Variants in XPO5 observed in about 807,000 individuals in gnomAD.
The protein encoded by XPO5 is exportin 5.
Under a neutral mutation model 160.6 loss-of-function variants are expected in XPO5, and 46 were observed. That is an observed-to-expected ratio of 0.29 (90% CI 0.23 to 0.37). The LOEUF is 0.37. Ranked by LOEUF, XPO5 falls within the 10% of genes least tolerant of loss-of-function variation. The pLI is 1.00. For synonymous variants in XPO5, 537 were observed against 519.3 expected (o/e 1.03, Z -0.46); for missense variants, 1,090 against 1,463.9 (o/e 0.74, Z 4.17).
intron 18 of XPO5, 36 bp from the exon 19 acceptor site, chr6:43,547,743 G>A: frequency 6.3e-7 from 1 of 1,586,254 alleles, no homozygotes; most frequent in South Asian, 1.1e-5. Context: ...GTTACATCAT[G>A]ACTTTAAACA....
At position 43,540,474 on chromosome 6, in the gene XPO5, G is replaced by A. The variant is rs573922585; in HGVS notation, c.2342+6097C>T. 3.4e-4 allele frequency among the ~76,000 whole-genome samples: 52 copies of A among 151,486 alleles called. No homozygotes were observed. The South Asian group carries it at 8.8e-3, about 26-fold the overall frequency. On this transcript the variant is annotated intron_variant, in intron 20 of 31. Transcript: ENST00000265351. ...AGCCTGGACGACAGAGCAAGACTCC[G>A]TCTCAAAATAAATAAATAAATAAAC...
intron 11 of XPO5, chr6:43,558,933 C>T (rs143266889): frequency 5.0e-6 from 1 of 198,178 alleles, no homozygotes; most frequent in East Asian, 1.3e-4. Flanking sequence ...AAATACTGAA[C>T]ACTGAGAATA....
At chr6:43,551,259 A>G in intron 15 of XPO5, 39 bp downstream of exon 15, 1 of 1,526,496 alleles carries the variant, frequency 6.6e-7, no homozygotes, top group Non-Finnish European at 8.8e-7. Context: ...TAACTTAGAA[A>G]TGTCAAAATA....
chr6:43,553,621 T>C (rs1582229007), intron 13 of XPO5, 118 bp from the exon 14 acceptor site: 1 of 1,442,328 alleles, frequency 6.9e-7, no homozygotes, highest in Admixed American at 2.6e-5. Flanking sequence ...GAGAATTTCA[T>C]GATTGAAGGA....
rs73426797 is a variant in XPO5 at position 43,575,564 on chromosome 6, G to C, written c.105+196C>G. Among the ~76,000 whole-genome samples the C allele has an allele frequency of 1.3e-3, 200 of 152,374 alleles. 1 individual carries two copies. Among genetic ancestry groups the C allele is most frequent in the African/African-American group, 4.6e-3 (192 of 41,592 alleles). On this transcript the variant is annotated intron_variant, in intron 1 of 31. Coordinates refer to ENST00000265351, the MANE Select transcript of XPO5 (RefSeq NM_020750.3). ...TAGGGACCGGAGTGTCCCAGGCAAA[G>C]GACAGGAGCGGCGAGTAGAGAAGGC... is the stretch of plus-strand genomic sequence containing the variant.
Position 43,553,405 on chromosome 6 carries a change from T to C in XPO5, c.1540A>G (p.Ile514Val), listed in dbSNP as rs745345150. The change falls in exon 14 of 32, where the codon ATC becomes GTC. Residue 514 changes from isoleucine to valine, a missense_variant. Ile to Val is a conservative substitution (Grantham distance 29). This residue lies in a region of XPO5 where 810 missense variants were observed against 1,139.0 expected (regional missense o/e 0.71). Coordinates refer to ENST00000265351, the MANE Select transcript of XPO5 (RefSeq NM_020750.3). ...EAMTLFLESVITQMFRTLNRE... is the reference protein window; with the variant it reads ...EAMTLFLESVVTQMFRTLNRE... ...TTTAGTGTTCGAAACATCTGGGTGA[T>C]AACACTTTCCAAAAAAAGAGTCATG... 1.6e-5 allele frequency: 26 copies of C among 1,607,520 alleles called. No homozygotes were observed. Among genetic ancestry groups the C allele is most frequent in the Non-Finnish European group, 2.0e-5 (24 of 1,176,956 alleles).
chr6:43,553,691 A>G, intron 13 of XPO5, 188 bp from the exon 14 acceptor site: 1 of 1,300,614 alleles, frequency 7.7e-7, no homozygotes, highest in Non-Finnish European at 9.9e-7. Context: ...GCTGAAAGCA[A>G]TGAGGTAGGT....
intron 1 of XPO5, among the ~76,000 whole-genome samples, chr6:43,574,225 C>T (rs981910510): frequency 2.3e-4 from 35 of 151,932 alleles, no homozygotes; most frequent in African/African-American, 8.2e-4. Context: ...ATCACTTGAG[C>T]TCGAGAAATC....
intron 17 of XPO5, 93 bp downstream of exon 17, chr6:43,549,396 C>T (rs1390608733): frequency 1.6e-6 from 2 of 1,256,602 alleles, no homozygotes; most frequent in Non-Finnish European, 2.2e-6. Flanking sequence ...GCTATAGTTT[C>T]TAGTTTTTTC....
At chr6:43,529,115 T>G in intron 23 of XPO5, 190 bp from the exon 24 acceptor site, 1 of 1,132,024 alleles carries the variant, frequency 8.8e-7, no homozygotes, top group Non-Finnish European at 1.3e-6. Flanking sequence ...TTGAATTCCA[T>G]TATACTCTTA....
At chr6:43,562,749 T>C (rs1028841846) in intron 8 of XPO5, among the ~76,000 whole-genome samples, 14 of 152,198 alleles carry the variant, frequency 9.2e-5, no homozygotes, top group African/African-American at 2.7e-4. Flanking sequence ...CACCGCTTTA[T>C]GAACCATGGT....
In XPO5 at chr6:43,575,872, G is replaced by T. The variant is rs1763292938; in HGVS notation, c.-8C>A. Reference sequence around the variant, plus strand: ...TACTTGATCCATCGCCATGCCTAGCGCCACGCGCCGAGAGCGCACACCACT... The same window carrying T: ...TACTTGATCCATCGCCATGCCTAGCTCCACGCGCCGAGAGCGCACACCACT... On this transcript the variant is annotated 5_prime_UTR_variant, in exon 1 of 32. Transcript: ENST00000265351. 1.2e-6 allele frequency: 2 copies of T among 1,613,212 alleles called. No individual in the cohort carries two copies. Among genetic ancestry groups the T allele is most frequent in the Non-Finnish European group, 1.7e-6 (2 of 1,179,524 alleles).
chr6:43,555,928 G>A lies in XPO5; in HGVS notation c.1349C>T (p.Ala450Val). The change falls in exon 13 of 32, where the codon GCA becomes GTA. Residue 450 changes from alanine to valine, a missense_variant. Ala to Val is a moderately conservative substitution (Grantham distance 64). Transcript: ENST00000265351. ...RAQQGEVMRL[A>V]CRLDPKTSFQ... ...GCTAGTTTTGGGATCCAAACGACAT[G>A]CCAACCTCATCACCTCTCCTTGTTG... 6.2e-7 allele frequency: 1 copy of A among 1,613,944 alleles called. No homozygotes were observed. Among genetic ancestry groups the A allele is most frequent in the Non-Finnish European group, 8.5e-7 (1 of 1,179,878 alleles).
intron 4 of XPO5, 31 bp from the exon 5 acceptor site, chr6:43,570,715 CTAAAA>C: frequency 6.4e-7 from 1 of 1,555,948 alleles, no homozygotes; most frequent in Admixed American, 2.1e-5. Context: ...TAGTTAAAAA[CTAAAA>C]TATCTTTTCA....
At chr6:43,567,088 T>C (rs900771311) in intron 7 of XPO5, 81 bp downstream of exon 7, 1 of 1,426,214 alleles carries the variant, frequency 7.0e-7, no homozygotes, top group Admixed American at 2.7e-5. Context: ...TTTAAATGAC[T>C]TTCTGCCACA....
chr6:43,533,868 T>TA lies in XPO5; in HGVS notation c.2443+38dup, dbSNP rs777692733. ...AAAAAAAGGGGACATCCATTAGGGA[T>TA]AAGATAAACCTTAGGAGAAAAAAGG... On this transcript the variant is annotated intron_variant, in intron 21 of 31. Coordinates refer to ENST00000265351, the MANE Select transcript of XPO5 (RefSeq NM_020750.3). 4 of 1,479,006 alleles carry TA rather than the reference T, an allele frequency of 2.7e-6. No individual in the cohort carries two copies. In the African/African-American group the frequency reaches 5.6e-5, roughly 21 times the overall value. 91.6% of individuals were successfully genotyped at this position (1,479,006 alleles called of 1,614,324 possible).
At chr6:43,546,897 A>G (rs1794990858) in intron 19 of XPO5, 145 bp from the exon 20 acceptor site, 2 of 834,156 alleles carry the variant, frequency 2.4e-6, no homozygotes, top group Non-Finnish European at 1.8e-6. Flanking sequence ...GCAATCCCCC[A>G]TCCCTTCCTT....
intron 6 of XPO5, 147 bp downstream of exon 6, chr6:43,568,564 C>T (rs2127753440): frequency 3.3e-6 from 2 of 609,368 alleles, no homozygotes; most frequent in East Asian, 3.1e-5. Flanking sequence ...TGAGACCACA[C>T]AACTGCACTC....
chr6:43,560,319 AAAG>A lies in XPO5; in HGVS notation c.1096-19_1096-17del. ...AGCGTAGAAACTAAAGAGAAAAAAA[AAAG>A]AAAACGTCAAAGGATTTGGATTCTA... On this transcript the variant is annotated splice_polypyrimidine_tract_variant and intron_variant, in intron 10 of 31. Coordinates refer to ENST00000265351, the MANE Select transcript of XPO5 (RefSeq NM_020750.3). 6.3e-7 allele frequency: 1 copy of A among 1,584,164 alleles called. No homozygotes were observed. Among genetic ancestry groups the A allele is most frequent in the Non-Finnish European group, 8.6e-7 (1 of 1,168,868 alleles).
Sources: allele counts gnomAD v4.1 joint callset (sites outside exome capture counted in the v4.1 genomes callset), GRCh38; gene constraint gnomAD v4.1.1; regional missense constraint gnomAD v4.1.1; transcripts MANE v1.5; gene names NCBI Gene and HGNC (gene_info 2026-07-23, HGNC 2026-07-21).